Variants in DPP6 observed in about 807,000 individuals in gnomAD.
The protein encoded by DPP6 is dipeptidyl peptidase like 6.
A neutral mutation model predicts 122.6 loss-of-function variants in DPP6; 69 were observed. The ratio of observed to expected loss-of-function variants is 0.56; its 90% CI spans 0.46 to 0.69. The LOEUF (loss-of-function observed/expected upper bound fraction) is 0.69. Among genes scored for constraint, DPP6 ranks in the 30% least tolerant of loss-of-function variants. The pLI is 0.00. For missense variants in DPP6, 928 were observed against 1,116.9 expected (o/e 0.83, Z 2.41); for synonymous variants, 418 against 433.1 (o/e 0.97, Z 0.43).
chr7:153,959,431 C>A (rs1018845814), intron 1 of DPP6, among the ~76,000 whole-genome samples: 8 of 152,230 alleles, frequency 5.3e-5, no homozygotes, highest in Admixed American at 2.6e-4. Context: ...GATATGACTT[C>A]TTGAGATGAT....
At position 154,877,313 on chromosome 7, in the gene DPP6, G is replaced by A. The variant is rs1405962180; in HGVS notation, c.2078+1213G>A. Among the ~76,000 whole-genome samples, 2 of 152,104 alleles carry A rather than the reference G, an allele frequency of 1.3e-5. No homozygotes were observed. The highest frequency in any genetic ancestry group is 3.2e-3 in the Middle Eastern group (1 of 316). On this transcript the variant is annotated intron_variant, in intron 20 of 25. Coordinates refer to ENST00000377770, the MANE Select transcript of DPP6 (RefSeq NM_130797.4). This position sits in a 1 kb window ranked among gnomAD's most constrained non-coding sequence, Gnocchi z 5.2. ...GTTGCAGCTGGGAAATACGGAGCGG[G>A]AGAGCTCTCAGGACTCAGATACTCA...
chr7:154,358,541 G>T (rs1244328104), intron 1 of DPP6, among the ~76,000 whole-genome samples: 1 of 152,186 alleles, frequency 6.6e-6, no homozygotes, highest in Non-Finnish European at 1.5e-5. Flanking sequence ...GGCAGAGAGA[G>T]ACTGTGGCAA....
At chr7:154,408,207 T>A (rs773216162) in intron 1 of DPP6, among the ~76,000 whole-genome samples, 1 of 152,210 alleles carries the variant, frequency 6.6e-6, no homozygotes, top group Non-Finnish European at 1.5e-5. Flanking sequence ...GAAAGTTACA[T>A]GTTCCAAGAA....
chr7:153,786,020 C>A, the DPP6 span, among the ~76,000 whole-genome samples: 2 of 151,626 alleles, frequency 1.3e-5, no homozygotes, highest in Non-Finnish European at 2.9e-5. Flanking sequence ...AGTTTATCTA[C>A]TGCTTATGTT....
At chr7:154,183,926 G>C (rs781037752) in intron 1 of DPP6, among the ~76,000 whole-genome samples, 1 of 152,222 alleles carries the variant, frequency 6.6e-6, no homozygotes, top group Non-Finnish European at 1.5e-5. Context: ...ATTTGCGGAG[G>C]CATCTGTAGA....
At chr7:154,273,493 T>C (rs1803930560) in intron 1 of DPP6, among the ~76,000 whole-genome samples, 1 of 152,220 alleles carries the variant, frequency 6.6e-6, no homozygotes, top group South Asian at 2.1e-4. Flanking sequence ...TACCCATATA[T>C]TGCGGTGATA....
intron 1 of DPP6, among the ~76,000 whole-genome samples, chr7:153,995,454 C>T (rs71530478): frequency 1.3e-5 from 2 of 151,850 alleles, no homozygotes; most frequent in African/African-American, 2.4e-5. Context: ...GGGGTGGTGG[C>T]GGATGCCTGT....
intron 6 of DPP6, among the ~76,000 whole-genome samples, chr7:154,647,897 C>T (rs949864037): frequency 6.6e-6 from 1 of 152,060 alleles, no homozygotes; most frequent in East Asian, 1.9e-4. Context: ...ATGGGTGTCT[C>T]CCTGGGTGGC....
chr7:154,676,847 T>C (rs1279032923), intron 7 of DPP6, among the ~76,000 whole-genome samples: 1 of 152,258 alleles, frequency 6.6e-6, no homozygotes, highest in African/African-American at 2.4e-5. Context: ...TAAAGGCTGC[T>C]GTGACACTTT....
At chr7:154,781,751 T>C (rs1797044615) in intron 10 of DPP6, among the ~76,000 whole-genome samples, 1 of 152,070 alleles carries the variant, frequency 6.6e-6, no homozygotes, top group Non-Finnish European at 1.5e-5. Flanking sequence ...GGATAAACAT[T>C]GCTAAAAAAA....
At chr7:154,845,444 A>G (rs182913087) in intron 16 of DPP6, among the ~76,000 whole-genome samples, 1 of 152,336 alleles carries the variant, frequency 6.6e-6, no homozygotes, top group East Asian at 1.9e-4. Context: ...AAAAACAGCA[A>G]TGCCATTAAA....
chr7:154,804,838 A>G lies in DPP6; in HGVS notation c.1500-79A>G, dbSNP rs569247254. ...GGGCGGCAGTCCCTGAGGAGTGTCC[A>G]TAGAGGTAGTGCCAGGAATGTGAAG... On this transcript the variant is annotated intron_variant, in intron 14 of 25. Coordinates refer to ENST00000377770, the MANE Select transcript of DPP6 (RefSeq NM_130797.4). The G allele has an allele frequency of 4.3e-4, 662 of 1,548,700 alleles. 5 individuals are homozygous for G. The South Asian group carries it at 6.7e-3, about 16-fold the overall frequency.
intron 1 of DPP6, among the ~76,000 whole-genome samples, chr7:154,391,464 A>G (rs1383869538): frequency 6.6e-6 from 1 of 152,182 alleles, no homozygotes; most frequent in Non-Finnish European, 1.5e-5. Flanking sequence ...ACATCTCTGA[A>G]TGTGCGTCTT....
chr7:154,510,259 C>T (rs1374009728), intron 3 of DPP6, among the ~76,000 whole-genome samples: 2 of 152,168 alleles, frequency 1.3e-5, no homozygotes, highest in East Asian at 1.9e-4. Context: ...AGAAATAGAA[C>T]AAGCATCTCC....
intron 1 of DPP6, among the ~76,000 whole-genome samples, chr7:154,218,083 A>T (rs2150822652): frequency 6.6e-6 from 1 of 152,366 alleles, no homozygotes; most frequent in Admixed American, 6.5e-5. Flanking sequence ...TTCGCATTTA[A>T]AATCCATCCA....
At chr7:154,458,228 T>G (rs535723840) in intron 2 of DPP6, among the ~76,000 whole-genome samples, 2 of 152,080 alleles carry the variant, frequency 1.3e-5, no homozygotes, top group Non-Finnish European at 2.9e-5. Flanking sequence ...AATTGAATCA[T>G]GGGGGTGGGT....
At chr7:154,273,101 GA>G (rs1391695327) in intron 1 of DPP6, among the ~76,000 whole-genome samples, 1 of 152,136 alleles carries the variant, frequency 6.6e-6, no homozygotes, top group Non-Finnish European at 1.5e-5. Context: ...TGGATGTGTG[GA>G]CACCATGAAT....
chr7:154,160,673 C>T (rs1221591346), intron 1 of DPP6, among the ~76,000 whole-genome samples: 1 of 152,024 alleles, frequency 6.6e-6, no homozygotes, highest in Non-Finnish European at 1.5e-5. Flanking sequence ...CCCGGTATAC[C>T]CAAATGTTTA....
At chr7:154,838,523 C>T (rs1474857648) in intron 16 of DPP6, 3 of 152,238 alleles carry the variant, frequency 2.0e-5, no homozygotes, top group Admixed American at 6.5e-5. Flanking sequence ...TGGAATAGCA[C>T]AGAACGTGTA....
Sources: allele counts gnomAD v4.1 joint callset (sites outside exome capture counted in the v4.1 genomes callset), GRCh38; gene constraint gnomAD v4.1.1; non-coding constraint Gnocchi (gnomAD v3.1); transcripts MANE v1.5; gene names NCBI Gene and HGNC (gene_info 2026-07-23, HGNC 2026-07-21).